The following ESRRG variants were observed in gnomAD, a reference collection of about 807,000 sequenced individuals.
ESRRG encodes estrogen related receptor gamma.
In ESRRG, 13 loss-of-function variants were observed where a neutral mutation model predicts 44.0. The observed-to-expected ratio is 0.30, with a 90% CI of 0.19 to 0.47. The LOEUF (loss-of-function observed/expected upper bound fraction) is 0.47, where lower values mean the gene tolerates loss of function less well. Among genes scored for constraint, ESRRG ranks in the 20% least tolerant of loss-of-function variants. The pLI, the probability that ESRRG is intolerant of heterozygous loss-of-function variation, is 1.00. For synonymous variants in ESRRG, 215 were observed against 214.6 expected (o/e 1.00, Z -0.02); for missense variants, 395 against 580.6 (o/e 0.68, Z 3.29).
At chr1:216,870,029 AG>A (rs567831986) in intron 2 of ESRRG, among the ~76,000 whole-genome samples, 24 of 152,104 alleles carry the variant, frequency 1.6e-4, no homozygotes, top group African/African-American at 5.8e-4. Context: ...AATATTGAAT[AG>A]AAGTTTTGTA....
In ESRRG at chr1:216,966,599, CCTTCCATGCCTTTT is replaced by C. The variant is rs371500488; in HGVS notation, c.-105-26940_-105-26927del. Among the ~76,000 whole-genome samples the C allele has an allele frequency of 5.4e-3, 822 of 152,248 alleles. 5 individuals carry two copies. The highest frequency in any genetic ancestry group is 0.019 in the African/African-American group (792 of 41,548). ...TATAGGCATCTCCCAGGATGGCCTT[CCTTCCATGCCTTTT>C]CTTCCATGCCCTTCCCTCATCATGG... On this transcript the variant is annotated intron_variant, in intron 1 of 7. Transcript: ENST00000359162.
chr1:216,550,656 C>T (rs549893765), intron 5 of ESRRG, among the ~76,000 whole-genome samples: 1 of 152,186 alleles, frequency 6.6e-6, no homozygotes, highest in South Asian at 2.1e-4. Flanking sequence ...AAGTCAACGG[C>T]AGGAGATGTA....
intron 1 of ESRRG, among the ~76,000 whole-genome samples, chr1:217,047,674 A>C (rs1358476485): frequency 6.6e-6 from 1 of 152,090 alleles, no homozygotes. Flanking sequence ...TCATTGTTCC[A>C]ATGGGGGAAG....
intron 2 of ESRRG, among the ~76,000 whole-genome samples, chr1:216,747,204 T>C (rs1379845914): frequency 6.6e-6 from 1 of 152,170 alleles, no homozygotes; most frequent in East Asian, 1.9e-4. Flanking sequence ...TTCTGAGACG[T>C]CATTTAAATT....
At position 216,772,004 on chromosome 1, in the gene ESRRG, G is replaced by A. The variant is rs188407542; in HGVS notation, c.-13-94513C>T. Among the ~76,000 whole-genome samples, 241 of 152,064 alleles carry A rather than the reference G, an allele frequency of 1.6e-3. 1 individual carries two copies. Among genetic ancestry groups the A allele is most frequent in the South Asian group, 8.9e-3 (43 of 4,822 alleles). ...GCCTCTGAGACAATCTGTTTATGAA[G>A]AGGAGATGGCATCAGCATAAACTGA... On this transcript the variant is annotated intron_variant, in intron 2 of 7. Coordinates refer to the ESRRG transcript ENST00000359162.
intron 2 of ESRRG, among the ~76,000 whole-genome samples, chr1:216,775,845 G>A (rs1171978683): frequency 6.6e-6 from 1 of 151,804 alleles, no homozygotes; most frequent in Non-Finnish European, 1.5e-5. Context: ...GGTTACAGAT[G>A]TCAGCTACCG....
chr1:216,660,966 G>GA (rs35391200), intron 2 of ESRRG, among the ~76,000 whole-genome samples: 24,958 of 150,532 alleles, frequency 0.17, 2,104 homozygotes, highest in Middle Eastern at 0.2. Flanking sequence ...TTCCTGATGG[G>GA]AAAAAAAAAG....
At chr1:216,958,948 A>G (rs2068496038) in intron 1 of ESRRG, among the ~76,000 whole-genome samples, 1 of 152,188 alleles carries the variant, frequency 6.6e-6, no homozygotes, top group African/African-American at 2.4e-5. Flanking sequence ...CCAGATCTCC[A>G]GCATTCCCTA....
At chr1:216,966,874 T>C (rs937357018) in intron 1 of ESRRG, among the ~76,000 whole-genome samples, 1 of 152,112 alleles carries the variant, frequency 6.6e-6, no homozygotes, top group Admixed American at 6.6e-5. Context: ...AACAAAAACT[T>C]ATACATACAA....
intron 1 of ESRRG, among the ~76,000 whole-genome samples, chr1:216,954,508 C>T (rs747539115): frequency 2.0e-5 from 3 of 152,120 alleles, no homozygotes; most frequent in Admixed American, 6.6e-5. Context: ...GAGCAGAGTG[C>T]ATTATGCAAT....
At chr1:216,924,278 A>G (rs745800949) in intron 2 of ESRRG, among the ~76,000 whole-genome samples, 1 of 152,126 alleles carries the variant, frequency 6.6e-6, no homozygotes, top group Non-Finnish European at 1.5e-5. Context: ...TGATTACCAG[A>G]TGATACTTCA....
Position 216,907,150 on chromosome 1 carries a change from G to C in ESRRG, c.-14+32432C>G, listed in dbSNP as rs374642065. ...GCTCATGCAGCAGGACTGAGGAAAA[G>C]GCATCGCCTGGCCACCGGCTGTTAC... On this transcript the variant is annotated intron_variant, in intron 2 of 7. Transcript: ENST00000359162. Among the ~76,000 whole-genome samples the C allele has an allele frequency of 5.9e-5, 9 of 152,262 alleles. No individual in the cohort carries two copies. In the East Asian group the frequency reaches 1.4e-3, roughly 23 times the overall value.
At chr1:216,794,662 CTGG>C (rs1383593035) in intron 2 of ESRRG, among the ~76,000 whole-genome samples, 1 of 152,112 alleles carries the variant, frequency 6.6e-6, no homozygotes, top group African/African-American at 2.4e-5. Context: ...ATGATCTCCT[CTGG>C]GAGAGAGTTA....
chr1:216,901,982 T>C (rs1577905047), intron 2 of ESRRG, among the ~76,000 whole-genome samples: 1 of 152,134 alleles, frequency 6.6e-6, no homozygotes, highest in African/African-American at 2.4e-5. Context: ...AAGCTGGTCT[T>C]AAGCTCCTGG....
At chr1:216,769,014 C>A in intron 2 of ESRRG, among the ~76,000 whole-genome samples, 1 of 151,652 alleles carries the variant, frequency 6.6e-6, no homozygotes, top group East Asian at 1.9e-4. Flanking sequence ...CAACAAATGC[C>A]TAATGTATGT....
At chr1:216,510,808 A>T (rs1311839939) in intron 6 of ESRRG, among the ~76,000 whole-genome samples, 4 of 152,118 alleles carry the variant, frequency 2.6e-5, no homozygotes, top group African/African-American at 9.7e-5. Flanking sequence ...CGGGAGGCGG[A>T]GATGGCAGTG....
chr1:216,740,630 T>TAA (rs779510343), intron 2 of ESRRG, among the ~76,000 whole-genome samples: 2 of 141,600 alleles, frequency 1.4e-5, no homozygotes, highest in Non-Finnish European at 3.1e-5. Context: ...TGCTTAACAT[T>TAA]AAAAAAAAAA....
intron 1 of ESRRG, among the ~76,000 whole-genome samples, chr1:216,680,482 C>T (rs1003354773): frequency 1.3e-5 from 2 of 152,150 alleles, no homozygotes; most frequent in African/African-American, 2.4e-5. Flanking sequence ...AGAGGTGGCA[C>T]GCAGAGATCT....
intron 1 of ESRRG, among the ~76,000 whole-genome samples, chr1:216,962,307 C>T (rs994493153): frequency 6.6e-6 from 1 of 151,948 alleles, no homozygotes; most frequent in African/African-American, 2.4e-5. Flanking sequence ...GTTATTTCCT[C>T]CCAACTAGGA....
Sources: gnomAD v4.1 joint callset for allele counts (sites outside exome capture counted in the v4.1 genomes callset) on GRCh38, gnomAD v4.1.1 for gene constraint, MANE v1.5 for transcripts, NCBI Gene and HGNC (gene_info 2026-07-23, HGNC 2026-07-21) for gene names.